SFMBT2: variants seen among roughly 807,000 people sequenced by gnomAD.
SFMBT2 encodes the protein Scm like with four mbt domains 2.
SFMBT2 carries 38 observed loss-of-function variants against 110.1 expected under a neutral mutation model. The observed-to-expected ratio is 0.35, with a 90% CI of 0.27 to 0.45. The LOEUF is 0.45. Ranked by LOEUF, SFMBT2 falls within the 20% of genes least tolerant of loss-of-function variation. The pLI is 1.00. For missense variants in SFMBT2, 1,011 were observed against 1,094.9 expected (o/e 0.92, Z 1.08); for synonymous variants, 425 against 425.4 (o/e 1.00, Z 0.01).
In SFMBT2 at chr10:7,300,762, G is replaced by A. The variant is rs1459913428; in HGVS notation, c.437-14808C>T. 1.3e-5 allele frequency among the ~76,000 whole-genome samples: 2 copies of A among 152,336 alleles called. 1 individual carries two copies. Among genetic ancestry groups the A allele is most frequent in the African/African-American group, 4.8e-5 (2 of 41,576 alleles). ...ATAAACAATTGGCAAATGCACAAAT[G>A]TATTTTTAAGAATGTTTTATATTTA... On this transcript the variant is annotated intron_variant, in intron 4 of 20. Coordinates refer to ENST00000397167, the MANE Select transcript of SFMBT2 (RefSeq NM_001387889.1).
intron 11 of SFMBT2, among the ~76,000 whole-genome samples, chr10:7,220,201 A>C (rs1361911988): frequency 6.6e-6 from 1 of 152,200 alleles, no homozygotes; most frequent in Admixed American, 6.5e-5. Context: ...CCAGCATCTC[A>C]TTGCATGAAA....
At chr10:7,376,271 C>A (rs988675071) in intron 2 of SFMBT2, among the ~76,000 whole-genome samples, 1 of 152,060 alleles carries the variant, frequency 6.6e-6, no homozygotes, top group Non-Finnish European at 1.5e-5. Flanking sequence ...GCTGGGGAGG[C>A]CACAGATCCT....
chr10:7,342,748 T>C (rs1316715919), intron 4 of SFMBT2, among the ~76,000 whole-genome samples: 1 of 152,206 alleles, frequency 6.6e-6, no homozygotes, highest in East Asian at 1.9e-4. Flanking sequence ...AACTCCATTA[T>C]TAAAAAATAT....
In SFMBT2 at chr10:7,293,450, C is replaced by T. The variant is rs935363829; in HGVS notation, c.437-7496G>A. 1.3e-5 allele frequency among the ~76,000 whole-genome samples: 2 copies of T among 151,962 alleles called. No homozygotes were observed. The highest frequency in any genetic ancestry group is 2.4e-5 in the African/African-American group (1 of 41,354). ...AAAGCTAATGGGATTCGCTGATGGG[C>T]TACAAGAGAAGTAGAACACAGAAAT... On this transcript the variant is annotated intron_variant, in intron 4 of 20. Coordinates refer to ENST00000397167, the MANE Select transcript of SFMBT2 (RefSeq NM_001387889.1). This position sits in a 1 kb window ranked among gnomAD's most constrained non-coding sequence, Gnocchi z 4.6.
At chr10:7,215,370 A>G (rs749862861) in intron 11 of SFMBT2, among the ~76,000 whole-genome samples, 21 of 152,256 alleles carry the variant, frequency 1.4e-4, no homozygotes, top group Admixed American at 7.2e-4. Flanking sequence ...ACCACACTCC[A>G]GTCTGGGTGA....
intron 4 of SFMBT2, among the ~76,000 whole-genome samples, chr10:7,344,695 G>T (rs183490885): frequency 6.6e-6 from 1 of 152,036 alleles, no homozygotes; most frequent in Non-Finnish European, 1.5e-5. Flanking sequence ...GGCCAGGCGC[G>T]GTGGCTCATG....
At position 7,170,244 on chromosome 10, in the gene SFMBT2, A is replaced by G. The variant is rs1164247039; in HGVS notation, c.2544+684T>C. Among the ~76,000 whole-genome samples, 2 of 152,190 alleles carry G rather than the reference A, an allele frequency of 1.3e-5. No individual in the cohort carries two copies. Among genetic ancestry groups the G allele is most frequent in the African/African-American group, 2.4e-5 (1 of 41,440 alleles). ...TTTGTGTGTGAGCTTCATGCCCCTG[A>G]GACTTGGAGCTGAAGAAGCTGCAAC... On this transcript the variant is annotated intron_variant, in intron 20 of 20. Transcript: ENST00000397167. This position sits in a 1 kb window ranked among gnomAD's most constrained non-coding sequence, Gnocchi z 4.6.
At chr10:7,410,461 T>G (rs1359670981) in intron 1 of SFMBT2, among the ~76,000 whole-genome samples, 4 of 152,130 alleles carry the variant, frequency 2.6e-5, no homozygotes, top group Non-Finnish European at 5.9e-5. Flanking sequence ...ACGAGGAAGG[T>G]GGGCGGCGGG....
At chr10:7,173,411 T>C (rs1837950735) in intron 17 of SFMBT2, among the ~76,000 whole-genome samples, 1 of 152,178 alleles carries the variant, frequency 6.6e-6, no homozygotes, top group Admixed American at 6.5e-5. Context: ...CCCCCAGCTC[T>C]TGGTCCGACC....
rs975198307 is a variant in SFMBT2, at chr10:7,301,821, G to A, written c.437-15867C>T. On this transcript the variant is annotated intron_variant, in intron 4 of 20. Coordinates refer to ENST00000397167, the MANE Select transcript of SFMBT2 (RefSeq NM_001387889.1). This position sits in a 1 kb window ranked among gnomAD's most constrained non-coding sequence, Gnocchi z 4.2. ...CTGAAAGAAAAGGGAGGAGAACTGC[G>A]TGGCTCTAGACTATCGAAGGGGAAA... Among the ~76,000 whole-genome samples the A allele has an allele frequency of 4.6e-5, 7 of 152,236 alleles. No individual in the cohort carries two copies. The highest frequency in any genetic ancestry group is 3.4e-3 in the Middle Eastern group (1 of 294).
At chr10:7,175,795 T>A (rs987223272) in intron 17 of SFMBT2, among the ~76,000 whole-genome samples, 195 bp downstream of exon 17, 11 of 151,970 alleles carry the variant, frequency 7.2e-5, no homozygotes, top group Non-Finnish European at 1.6e-4. Context: ...AATCATCCCA[T>A]CCCCTCCGTA....
In SFMBT2 at chr10:7,254,783, G is replaced by A. The variant is rs187591092; in HGVS notation, c.871-6134C>T. Among the ~76,000 whole-genome samples the A allele has an allele frequency of 2.6e-3, 395 of 152,172 alleles. 5 individuals carry two copies. Among genetic ancestry groups the A allele is most frequent in the African/African-American group, 9.2e-3 (380 of 41,504 alleles). ...GTGGAGGTTGCAGTGAGCAGAGATC[G>A]AGCCACTGCACTCAAGCCTGGCAAC... On this transcript the variant is annotated intron_variant, in intron 7 of 20. Transcript: ENST00000397167.
chr10:7,209,662 G>A (rs1839270751), intron 11 of SFMBT2, among the ~76,000 whole-genome samples: 1 of 152,196 alleles, frequency 6.6e-6, no homozygotes, highest in African/African-American at 2.4e-5. Flanking sequence ...CTGTTTAAAA[G>A]GGGGAAATAA....
intron 7 of SFMBT2, among the ~76,000 whole-genome samples, chr10:7,261,075 G>A (rs1473488071): frequency 1.3e-5 from 2 of 152,064 alleles, no homozygotes; most frequent in East Asian, 3.9e-4. Context: ...GGCAATTCCT[G>A]AACTTAACCA....
chr10:7,218,567 T>C (rs1253085491), intron 11 of SFMBT2, among the ~76,000 whole-genome samples: 2 of 152,368 alleles, frequency 1.3e-5, no homozygotes, highest in South Asian at 4.1e-4. Context: ...ATGGTCAATG[T>C]ATATTTTCTG....
intron 4 of SFMBT2, among the ~76,000 whole-genome samples, chr10:7,286,955 G>A (rs1842108178): frequency 6.6e-6 from 1 of 151,940 alleles, no homozygotes; most frequent in Non-Finnish European, 1.5e-5. Context: ...GGGTTTGAAT[G>A]GAAAGAAAAG....
intron 13 of SFMBT2, 184 bp downstream of exon 13, chr10:7,202,296 C>T: frequency 3.4e-6 from 1 of 297,008 alleles, no homozygotes; most frequent in Non-Finnish European, 5.0e-6. Context: ...CCTTGGGGAG[C>T]AGGCACTGTG....
intron 1 of SFMBT2, among the ~76,000 whole-genome samples, chr10:7,409,974 C>A (rs947937348): frequency 1.1e-4 from 17 of 151,582 alleles, no homozygotes; most frequent in African/African-American, 3.9e-4. Flanking sequence ...CTTCCCACCG[C>A]CCCTGGTCAA....
Position 7,172,597 on chromosome 10 carries a change from G to T in SFMBT2, c.2049C>A (p.Ser683Arg). The change falls in exon 18 of 21, where the codon AGC becomes AGA. Residue 683 changes from serine to arginine, a missense_variant. Physicochemically the swap from Ser to Arg is moderately radical, Grantham distance 110 (BLOSUM62 -1). Coordinates refer to ENST00000397167, the MANE Select transcript of SFMBT2 (RefSeq NM_001387889.1). The surrounding 1 kb of genome is among the most constrained non-coding windows in gnomAD (Gnocchi z 4.6). The part of the protein sequence containing the change: ...KPPIGESNPD[S>R]GHPKPARRRK... ...TCCGCCTGGCGGGTTTGGGGTGTCC[G>T]CTGTCGGGGTTGCTTTCCCCGATGG... 2 of 1,614,220 alleles carry T rather than the reference G, an allele frequency of 1.2e-6. No homozygotes were observed. Among genetic ancestry groups the T allele is most frequent in the Non-Finnish European group, 1.7e-6 (2 of 1,180,040 alleles).
Sources: allele counts gnomAD v4.1 joint callset (sites outside exome capture counted in the v4.1 genomes callset), GRCh38; gene constraint gnomAD v4.1.1; non-coding constraint Gnocchi (gnomAD v3.1); transcripts MANE v1.5; gene names NCBI Gene and HGNC (gene_info 2026-07-23, HGNC 2026-07-21).